The following LINGO2 variants were observed in gnomAD, a reference collection of about 807,000 sequenced individuals.
LINGO2 encodes the protein leucine rich repeat and Ig domain containing 2, also known as leucine-rich repeat and immunoglobulin-like domain-containing nogo receptor-interacting protein 2.
In LINGO2, 14 loss-of-function variants were observed where a neutral mutation model predicts 30.6. That is an observed-to-expected ratio of 0.46 (90% CI 0.30 to 0.72). The LOEUF (loss-of-function observed/expected upper bound fraction) is 0.72, where lower values mean the gene tolerates loss of function less well. Among genes scored for constraint, LINGO2 ranks in the 30% least tolerant of loss-of-function variants. The pLI is 0.07. For missense variants in LINGO2, 729 were observed against 751.7 expected (o/e 0.97, Z 0.35); for synonymous variants, 317 against 288.5 (o/e 1.10, Z -1.00).
At chr9:28,965,323 A>C in the LINGO2 span, among the ~76,000 whole-genome samples, 1 of 152,036 alleles carries the variant, frequency 6.6e-6, no homozygotes, top group African/African-American at 2.4e-5. Flanking sequence ...TGATATTACT[A>C]ATCTCTCTTG....
At chr9:28,784,092 G>C in the LINGO2 span, among the ~76,000 whole-genome samples, 1 of 152,236 alleles carries the variant, frequency 6.6e-6, no homozygotes, top group Middle Eastern at 3.4e-3. Flanking sequence ...CAAACATTCA[G>C]TACATAATAA....
the LINGO2 span, among the ~76,000 whole-genome samples, chr9:29,162,503 G>A: frequency 6.6e-6 from 1 of 152,032 alleles, no homozygotes; most frequent in South Asian, 2.1e-4. Flanking sequence ...CACATGGAGA[G>A]CACAGTATAT....
chr9:28,291,023 A>G (rs57868079), intron 4 of LINGO2, among the ~76,000 whole-genome samples: 3,356 of 152,264 alleles, frequency 0.022, 132 homozygotes, highest in African/African-American at 0.077. Flanking sequence ...ACTGACTCTC[A>G]GAATTATCCA....
the LINGO2 span, among the ~76,000 whole-genome samples, chr9:28,875,216 C>CT: frequency 7.9e-5 from 12 of 152,202 alleles, no homozygotes; most frequent in African/African-American, 2.9e-4. Flanking sequence ...AATAGTACAA[C>CT]TTACATCTCT....
the LINGO2 span, among the ~76,000 whole-genome samples, chr9:28,875,576 T>G: frequency 6.6e-6 from 1 of 152,110 alleles, no homozygotes; most frequent in African/African-American, 2.4e-5. Flanking sequence ...TATATTGCAT[T>G]TATTGGCATG....
the LINGO2 span, among the ~76,000 whole-genome samples, chr9:29,053,986 ATTAAC>A: frequency 7.9e-5 from 12 of 152,080 alleles, no homozygotes; most frequent in Admixed American, 3.3e-4. Context: ...ATTTATAAAT[ATTAAC>A]TTAATGAGGT....
At chr9:28,635,588 A>C (rs112969060) in intron 1 of LINGO2, among the ~76,000 whole-genome samples, 8 of 152,270 alleles carry the variant, frequency 5.3e-5, no homozygotes, top group African/African-American at 1.4e-4. Flanking sequence ...ACAAGACAGA[A>C]GCTATCAACA....
chr9:28,024,233 G>C (rs1466208093), intron 4 of LINGO2, among the ~76,000 whole-genome samples: 2 of 152,112 alleles, frequency 1.3e-5, no homozygotes, highest in African/African-American at 4.8e-5. Context: ...TACTTTCAGG[G>C]CTGCTTCCTA....
At chr9:28,831,127 GAA>G in the LINGO2 span, among the ~76,000 whole-genome samples, 2 of 152,164 alleles carry the variant, frequency 1.3e-5, no homozygotes, top group African/African-American at 2.4e-5. Context: ...TCATAAAAAA[GAA>G]AAGAGGCACT....
chr9:28,866,697 G>A, the LINGO2 span, among the ~76,000 whole-genome samples: 1 of 152,128 alleles, frequency 6.6e-6, no homozygotes, highest in Non-Finnish European at 1.5e-5. Context: ...TCTGAGTGCT[G>A]TTAGTGTGAA....
At chr9:28,601,091 C>G (rs893994541) in intron 1 of LINGO2, among the ~76,000 whole-genome samples, 2 of 152,160 alleles carry the variant, frequency 1.3e-5, no homozygotes, top group Admixed American at 6.6e-5. Context: ...CGTGACACAC[C>G]TAGCAAGGCA....
intron 4 of LINGO2, among the ~76,000 whole-genome samples, chr9:28,061,302 A>G (rs1825136053): frequency 6.6e-6 from 1 of 151,044 alleles, no homozygotes; most frequent in Non-Finnish European, 1.5e-5. Context: ...CACAATGCAT[A>G]CTATTTGGGT....
chr9:28,981,974 T>C, the LINGO2 span, among the ~76,000 whole-genome samples: 1 of 152,124 alleles, frequency 6.6e-6, no homozygotes, highest in Non-Finnish European at 1.5e-5. Flanking sequence ...CCGGCATAAG[T>C]GTTACAGCAG....
At chr9:27,947,497 T>C (rs1361513757), downstream of LINGO2, among the ~76,000 whole-genome samples, 4 of 152,186 alleles carry the variant, frequency 2.6e-5, no homozygotes, top group Non-Finnish European at 5.9e-5. Flanking sequence ...TTCTCAGTTC[T>C]TAGAAAACAA....
chr9:29,181,597 C>G, the LINGO2 span, among the ~76,000 whole-genome samples: 1 of 151,924 alleles, frequency 6.6e-6, no homozygotes, highest in South Asian at 2.1e-4. Context: ...TAGTGAGAAT[C>G]CAAAAACAAT....
At chr9:28,416,893 G>A (rs1284657423) in intron 2 of LINGO2, among the ~76,000 whole-genome samples, 1 of 152,090 alleles carries the variant, frequency 6.6e-6, no homozygotes, top group African/African-American at 2.4e-5. Context: ...CTACTTAGAT[G>A]AAGAATTGTA....
At chr9:28,205,511 G>T (rs1273024438) in intron 4 of LINGO2, among the ~76,000 whole-genome samples, 1 of 152,106 alleles carries the variant, frequency 6.6e-6, no homozygotes, top group East Asian at 1.9e-4. Context: ...ATCACTGCTG[G>T]TTTTTTATCA....
the LINGO2 span, among the ~76,000 whole-genome samples, chr9:29,107,143 T>C: frequency 2.6e-5 from 4 of 152,154 alleles, no homozygotes; most frequent in East Asian, 7.7e-4. Context: ...TAAACCCTGC[T>C]TTCAGAACAA....
the LINGO2 span, among the ~76,000 whole-genome samples, chr9:28,771,595 T>G: frequency 6.6e-6 from 1 of 151,940 alleles, no homozygotes; most frequent in South Asian, 2.1e-4. Context: ...ATTTGTGAAT[T>G]TTGTGAACAA....
Sources: gnomAD v4.1 joint callset for allele counts (sites outside exome capture counted in the v4.1 genomes callset) on GRCh38, gnomAD v4.1.1 for gene constraint, MANE v1.5 for transcripts, NCBI Gene and HGNC (gene_info 2026-07-23, HGNC 2026-07-21) for gene names.